The following ANPEP variants were observed in gnomAD, a reference collection of about 807,000 sequenced individuals.
ANPEP encodes alanyl aminopeptidase, membrane.
A neutral mutation model predicts 114.6 loss-of-function variants in ANPEP; 70 were observed. That is an observed-to-expected ratio of 0.61 (90% confidence interval 0.50 to 0.75). The LOEUF is 0.75. Among genes scored for constraint, ANPEP ranks in the 30% least tolerant of loss-of-function variants. The pLI, the probability that ANPEP is intolerant of heterozygous loss-of-function variation, is 0.00. For synonymous variants in ANPEP, 548 were observed against 522.3 expected (o/e 1.05, Z -0.67); for missense variants, 1,184 against 1,259.5 (o/e 0.94, Z 0.91).
intron 2 of ANPEP, 136 bp downstream of exon 2, chr15:89,805,834 G>A (rs2141811275): frequency 8.1e-7 from 1 of 1,237,928 alleles, no homozygotes; most frequent in East Asian, 2.4e-5. Context: ...CCAGCAGCTG[G>A]AGGTGAAGCA....
At chr15:89,804,645 AG>A (rs1199677837) in intron 4 of ANPEP, 28 bp from the exon 5 acceptor site, 1 of 1,607,770 alleles carries the variant, frequency 6.2e-7, no homozygotes, top group Non-Finnish European at 8.5e-7. Context: ...GAAGCAGACC[AG>A]GGGCTCCTGT....
Position 89,806,221 on chromosome 15 carries a change from G to C in ANPEP, c.363C>G (p.Ile121Met). Residue 121 changes from isoleucine to methionine, a missense_variant, in exon 2 of 21, where the codon ATC becomes ATG. Transcript: ENST00000300060. This position sits in a 1 kb window ranked among gnomAD's most constrained non-coding sequence, Gnocchi z 5.7. ...FTCKEATDVI[I>M]IHSKKLNYTL... Reference sequence around the variant, plus strand: ...TGTAGTTGAGCTTCTTGCTGTGGATGATGATGACGTCAGTGGCCTCCTTGC... The same window carrying C: ...TGTAGTTGAGCTTCTTGCTGTGGATCATGATGACGTCAGTGGCCTCCTTGC... 6.2e-7 allele frequency: 1 copy of C among 1,614,132 alleles called. No individual in the cohort carries two copies. Among genetic ancestry groups the C allele is most frequent in the Non-Finnish European group, 8.5e-7 (1 of 1,180,010 alleles).
At chr15:89,811,649 T>TAAAAAAAA (rs754725578) in intron 1 of ANPEP, among the ~76,000 whole-genome samples, 4 of 100,500 alleles carry the variant, frequency 4.0e-5, no homozygotes, top group Non-Finnish European at 6.4e-5. Flanking sequence ...CCATCTCAAG[T>TAAAAAAAA]AAAAAAAAAA....
In ANPEP at chr15:89,806,467, CTTG is replaced by C; in HGVS notation, c.114_116del (p.Asn38del). 2 of 1,614,040 alleles carry C rather than the reference CTTG, an allele frequency of 1.2e-6. No individual in the cohort carries two copies. The highest frequency in any genetic ancestry group is 8.5e-7 in the Non-Finnish European group (1 of 1,179,950). Reference sequence around the variant, plus strand: ...AGGCCACGGGGGAGCTGTTGGCGTTCTTGTTCTTCTCCTGGGAGTACACCACTG... The same window carrying C: ...AGGCCACGGGGGAGCTGTTGGCGTTCTTCTTCTCCTGGGAGTACACCACTG... On this transcript the variant is annotated inframe_deletion, in exon 2 of 21. Transcript: ENST00000300060. The surrounding 1 kb of genome is among the most constrained non-coding windows in gnomAD (Gnocchi z 5.7).
intron 1 of ANPEP, among the ~76,000 whole-genome samples, chr15:89,813,449 C>T (rs1043976109): frequency 1.3e-5 from 2 of 152,214 alleles, no homozygotes; most frequent in African/African-American, 4.8e-5. Flanking sequence ...CCTCAAGACA[C>T]TGGGCCGGTT....
At chr15:89,802,265 GC>G (rs561842779) in intron 10 of ANPEP, 1 of 153,046 alleles carries the variant, frequency 6.5e-6, no homozygotes, top group South Asian at 2.1e-4. Context: ...AGGGAGGAGA[GC>G]TTGGCTTAGG....
chr15:89,806,526 C>T lies in ANPEP; in HGVS notation c.58G>A (p.Val20Met), dbSNP rs10152474. 115 of 1,613,058 alleles carry T rather than the reference C, an allele frequency of 7.1e-5. 1 individual carries two copies. Among genetic ancestry groups the T allele is most frequent in the South Asian group, 1.8e-4 (16 of 91,078 alleles). ...GCGATGATTGTGCACACGGCTGCCACGCCCAGGAGGATCCCCAGGATGCCC... is the reference window on the plus strand; with the variant it reads ...GCGATGATTGTGCACACGGCTGCCATGCCCAGGAGGATCCCCAGGATGCCC... ...SLGILGILLGVAAVCTIIALS... is the reference protein window; with the variant it reads ...SLGILGILLGMAAVCTIIALS... The change falls in exon 2 of 21, where the codon GTG (valine) becomes ATG (methionine). Residue 20 changes from valine to methionine, a missense_variant. Coordinates refer to ENST00000300060, the MANE Select transcript of ANPEP (RefSeq NM_001150.3). This position sits in a 1 kb window ranked among gnomAD's most constrained non-coding sequence, Gnocchi z 5.7.
At position 89,805,451 on chromosome 15, in the gene ANPEP, A is replaced by G; in HGVS notation, c.627T>C (p.Thr209=). 1 of 1,614,020 alleles carries G rather than the reference A, an allele frequency of 6.2e-7. No homozygotes were observed. Among genetic ancestry groups the G allele is most frequent in the Non-Finnish European group, 8.5e-7 (1 of 1,179,976 alleles). The change falls in exon 3 of 21, where the codon ACT becomes ACC. Residue 209 remains threonine (T), a synonymous_variant. Transcript: ENST00000300060. Reference sequence around the variant, plus strand: ...GGGCATCTGCAGCCTGCATCTGTGTAGTGGCCACCACCCTGCCCCAACAGG... The same window carrying G: ...GGGCATCTGCAGCCTGCATCTGTGTGGTGGCCACCACCCTGCCCCAACAGG... ...MEGNVRKVVA[T]TQMQAADARK...
At chr15:89,791,214 G>T (rs1968617712) in intron 18 of ANPEP, 121 bp from the exon 19 acceptor site, 2 of 1,182,708 alleles carry the variant, frequency 1.7e-6, no homozygotes, top group African/African-American at 1.5e-5. Context: ...GCCTGCCAGG[G>T]GCTGAGGGAC....
chr15:89,799,170 G>C lies in ANPEP; in HGVS notation c.2009+90C>G. 6.8e-7 allele frequency: 1 copy of C among 1,478,802 alleles called. No homozygotes were observed. The highest frequency in any genetic ancestry group is 1.9e-4 in the Middle Eastern group (1 of 5,374). 91.6% of individuals were successfully genotyped at this position (1,478,802 alleles called of 1,614,324 possible). A position where few individuals can be genotyped will look rare whatever the true frequency, so the allele number is the denominator to read the frequency against. On this transcript the variant is annotated intron_variant, in intron 14 of 20. Coordinates refer to ENST00000300060, the MANE Select transcript of ANPEP (RefSeq NM_001150.3). The surrounding 1 kb of genome is among the most constrained non-coding windows in gnomAD (Gnocchi z 4.2). ...GGCACAGCACGTGGCATATGGGAAGGGCAGCAGGAGGAGCAGGGGCCCTCA... is the reference window on the plus strand; with the variant it reads ...GGCACAGCACGTGGCATATGGGAAGCGCAGCAGGAGGAGCAGGGGCCCTCA...
rs12324351 is a variant in ANPEP at position 89,785,590 on chromosome 15, A to T, written c.2752-89T>A. On this transcript the variant is annotated intron_variant, in intron 20 of 20. Transcript: ENST00000300060. ...CTCAGGCCTCTGGCTTTCCACTCCC[A>T]CTTTAGAGTCCCCATGGATGGGACC... The T allele has an allele frequency of 7.4e-3, 11,536 of 1,559,822 alleles. 500 individuals carry two copies. The African/African-American group carries it at 0.1, about 14-fold the overall frequency.
Position 89,799,242 on chromosome 15 carries a change from A to C in ANPEP, c.2009+18T>G, listed in dbSNP as rs750202218. 6.2e-6 allele frequency: 10 copies of C among 1,614,114 alleles called. No individual in the cohort carries two copies. The highest frequency in any genetic ancestry group is 8.5e-6 in the Non-Finnish European group (10 of 1,179,972). Reference sequence around the variant, plus strand: ...AGTCACGAGCTTCTGCAGCTGAGCCAGGCAGCGGAGCACTCACCTGGCCAG... The same window carrying C: ...AGTCACGAGCTTCTGCAGCTGAGCCCGGCAGCGGAGCACTCACCTGGCCAG... On this transcript the variant is annotated intron_variant, in intron 14 of 20. Coordinates refer to ENST00000300060, the MANE Select transcript of ANPEP (RefSeq NM_001150.3). The surrounding 1 kb of genome is among the most constrained non-coding windows in gnomAD (Gnocchi z 4.2).
At position 89,806,665 on chromosome 15, in the gene ANPEP, G is replaced by A. The variant is rs1894722885; in HGVS notation, c.-82C>T. The A allele has an allele frequency of 6.9e-7, 1 of 1,457,098 alleles. No individual in the cohort carries two copies. Among genetic ancestry groups the A allele is most frequent in the African/African-American group, 1.4e-5 (1 of 69,966 alleles). The allele number at this position is 1,457,098 out of a possible 1,614,324, so 90.3% of individuals were successfully genotyped here. A position where few individuals can be genotyped will look rare whatever the true frequency, so the allele number is the denominator to read the frequency against. On this transcript the variant is annotated 5_prime_UTR_variant, in exon 2 of 21. Transcript: ENST00000300060. This position sits in a 1 kb window ranked among gnomAD's most constrained non-coding sequence, Gnocchi z 5.7. ...CCCAGGCCGGGCTTATATCCCCAAA[G>A]GGGAGGAGCCCCACAACAGGCAGAC...
At chr15:89,800,708 TG>T (rs1894570906) in intron 12 of ANPEP, among the ~76,000 whole-genome samples, 1 of 151,984 alleles carries the variant, frequency 6.6e-6, no homozygotes, top group South Asian at 2.1e-4. Context: ...ATTACAGGCA[TG>T]CACCACCACA....
intron 1 of ANPEP, 65 bp downstream of exon 1, chr15:89,814,689 TGCAGCTCCCTCGGTTCCC>T (rs1567165283): frequency 6.6e-6 from 1 of 152,498 alleles, no homozygotes; most frequent in Non-Finnish European, 1.5e-5. Flanking sequence ...GCGCTGGGTC[TGCAGCTCCCTCGGTTCCC>T]GCGCACCCAA....
At chr15:89,809,694 C>T (rs921914877) in intron 1 of ANPEP, among the ~76,000 whole-genome samples, 1 of 152,246 alleles carries the variant, frequency 6.6e-6, no homozygotes, top group Non-Finnish European at 1.5e-5. Context: ...GTCACCCAAC[C>T]CCACCAGCAC....
rs150785426 is a variant in ANPEP at position 89,790,414 on chromosome 15, T to G, written c.2751+46A>C. The G allele has an allele frequency of 2.7e-4, 432 of 1,574,988 alleles. 2 individuals are homozygous for G. In the African/African-American group the frequency reaches 4.8e-3, roughly 18 times the overall value. On this transcript the variant is annotated intron_variant, in intron 20 of 20. Coordinates refer to ENST00000300060, the MANE Select transcript of ANPEP (RefSeq NM_001150.3). ...AGAAGAATGGAGTGCCCCTTTGGCC[T>G]GGGAAGGAAGTAGGCAGAGCCCAGG...
chr15:89,799,331 C>T lies in ANPEP; in HGVS notation c.1954-16G>A. 2 of 1,614,216 alleles carry T rather than the reference C, an allele frequency of 1.2e-6. No homozygotes were observed. Among genetic ancestry groups the T allele is most frequent in the Non-Finnish European group, 1.7e-6 (2 of 1,180,036 alleles). On this transcript the variant is annotated splice_polypyrimidine_tract_variant and intron_variant, in intron 13 of 20. Transcript: ENST00000300060. The surrounding 1 kb of genome is among the most constrained non-coding windows in gnomAD (Gnocchi z 4.2). ...CAGGGATGGCCTAGAATGCGAAGCA[C>T]AGCATGTGACCATGGGTTGGCTGTG...
chr15:89,797,969 G>T (rs1416666403), intron 14 of ANPEP, among the ~76,000 whole-genome samples: 1 of 152,220 alleles, frequency 6.6e-6, no homozygotes, highest in African/African-American at 2.4e-5. Context: ...CCACTCCTTT[G>T]CTTATTATCC....
Sources: gnomAD v4.1 joint callset for allele counts (sites outside exome capture counted in the v4.1 genomes callset) on GRCh38, gnomAD v4.1.1 for gene constraint, Gnocchi (gnomAD v3.1) non-coding constraint, MANE v1.5 for transcripts, NCBI Gene and HGNC (gene_info 2026-07-23, HGNC 2026-07-21) for gene names.